HDAC9: variants seen among roughly 807,000 people sequenced by gnomAD.
The protein encoded by HDAC9 is histone deacetylase 9.
A neutral mutation model predicts 139.4 loss-of-function variants in HDAC9; 41 were observed. The ratio of observed to expected loss-of-function variants is 0.29; its 90% CI spans 0.23 to 0.38. The LOEUF is 0.38. Among genes scored for constraint, HDAC9 ranks in the 10% least tolerant of loss-of-function variants. The probability of loss-of-function intolerance (pLI) is 1.00; values close to 1 mark genes in which losing one functional copy is unlikely to be tolerated. For synonymous variants in HDAC9, 517 were observed against 476.2 expected (o/e 1.09, Z -1.12); for missense variants, 1,147 against 1,297.0 (o/e 0.88, Z 1.78).
At chr7:18,961,543 G>C (rs909718923) in intron 24 of HDAC9, among the ~76,000 whole-genome samples, 1 of 152,190 alleles carries the variant, frequency 6.6e-6, no homozygotes, top group Non-Finnish European at 1.5e-5. Flanking sequence ...GGAGAAGGCA[G>C]TATCCTCCGG....
rs117478710 is a variant in HDAC9 at position 18,645,464 on chromosome 7, A to G, written c.1035+671A>G. Among the ~76,000 whole-genome samples the G allele has an allele frequency of 3.3e-4, 51 of 152,276 alleles. No homozygotes were observed. The East Asian group carries it at 8.9e-3, about 27-fold the overall frequency. On this transcript the variant is annotated intron_variant, in intron 9 of 25. Transcript: ENST00000686413. ...GTATCATACTGTTACATGAAGGCCT[A>G]GAAGTGATTCCTTGTTCTGGACTCT... is the stretch of plus-strand genomic sequence containing the variant.
chr7:18,736,556 A>G (rs1289660492), intron 13 of HDAC9, among the ~76,000 whole-genome samples: 1 of 152,154 alleles, frequency 6.6e-6, no homozygotes, highest in East Asian at 1.9e-4. Flanking sequence ...GTGTATGTTG[A>G]ACCAGCCTTG....
intron 1 of HDAC9, among the ~76,000 whole-genome samples, chr7:18,422,507 G>T (rs926754076): frequency 6.6e-6 from 1 of 152,060 alleles, no homozygotes; most frequent in Admixed American, 6.6e-5. Flanking sequence ...CCCAGTTTCT[G>T]TCCATGGACT....
chr7:18,237,685 A>G (rs750382997), intron 2 of HDAC9, among the ~76,000 whole-genome samples: 5 of 152,230 alleles, frequency 3.3e-5, no homozygotes, highest in Non-Finnish European at 5.9e-5. Flanking sequence ...GAATGATGAC[A>G]TTATTAATGA....
At chr7:18,672,759 T>C (rs938522003) in intron 12 of HDAC9, among the ~76,000 whole-genome samples, 1 of 152,082 alleles carries the variant, frequency 6.6e-6, no homozygotes, top group African/African-American at 2.4e-5. Flanking sequence ...TTCTATGCAT[T>C]TAAATTATTT....
intron 21 of HDAC9, among the ~76,000 whole-genome samples, chr7:18,856,530 A>C (rs1453227951): frequency 1.3e-5 from 2 of 152,128 alleles, no homozygotes; most frequent in African/African-American, 4.8e-5. Flanking sequence ...TATTTTTCTT[A>C]CACTGAACTT....
intron 1 of HDAC9, among the ~76,000 whole-genome samples, chr7:18,361,701 GA>G (rs960718251): frequency 8.6e-5 from 13 of 151,864 alleles, no homozygotes; most frequent in South Asian, 8.3e-4. Flanking sequence ...TCTGTTTAAG[GA>G]AAAGACCTTA....
intron 1 of HDAC9, among the ~76,000 whole-genome samples, chr7:18,420,884 G>A (rs139038568): frequency 4.6e-5 from 7 of 152,332 alleles, no homozygotes; most frequent in Non-Finnish European, 7.3e-5. Context: ...AAGGACTAGC[G>A]TGTAAGCTGA....
intron 25 of HDAC9, among the ~76,000 whole-genome samples, chr7:18,978,908 G>T (rs1585463526): frequency 6.6e-6 from 1 of 151,970 alleles, no homozygotes; most frequent in Admixed American, 6.6e-5. Flanking sequence ...GAGCACATTT[G>T]CACTCTAGAA....
At chr7:18,790,910 A>G (rs1268617980) in intron 16 of HDAC9, among the ~76,000 whole-genome samples, 2 of 152,094 alleles carry the variant, frequency 1.3e-5, no homozygotes, top group East Asian at 3.9e-4. Context: ...TATAAAAGTA[A>G]CCCCCACCCG....
At chr7:18,934,835 C>T (rs1157852212) in intron 22 of HDAC9, among the ~76,000 whole-genome samples, 1 of 151,900 alleles carries the variant, frequency 6.6e-6, no homozygotes, top group African/African-American at 2.4e-5. Context: ...ACCAGAAGAC[C>T]CGTGTAAGAA....
intron 2 of HDAC9, among the ~76,000 whole-genome samples, chr7:18,555,422 A>T (rs184595101): frequency 5.3e-5 from 8 of 152,336 alleles, no homozygotes; most frequent in Admixed American, 2.6e-4. Flanking sequence ...CTAATGGATA[A>T]TTTTGGGACA....
intron 1 of HDAC9, among the ~76,000 whole-genome samples, chr7:18,383,704 G>T (rs561559218): frequency 1.3e-5 from 2 of 151,416 alleles, no homozygotes; most frequent in African/African-American, 4.8e-5. Flanking sequence ...AAGAACTGAT[G>T]ACCCCGTCTC....
At chr7:18,643,147 C>T (rs529355358) in intron 8 of HDAC9, among the ~76,000 whole-genome samples, 8 of 152,070 alleles carry the variant, frequency 5.3e-5, no homozygotes, top group South Asian at 2.1e-4. Context: ...TTACAATTTT[C>T]GTGAAAAGCT....
At chr7:18,095,346 G>A (rs892824155) in intron 1 of HDAC9, among the ~76,000 whole-genome samples, 6 of 150,338 alleles carry the variant, frequency 4.0e-5, no homozygotes, top group Admixed American at 3.3e-4. Context: ...TAATAAAAAG[G>A]CTACTGTATT....
At chr7:18,351,263 A>G (rs1202855821) in intron 1 of HDAC9, among the ~76,000 whole-genome samples, 1 of 152,160 alleles carries the variant, frequency 6.6e-6, no homozygotes, top group Non-Finnish European at 1.5e-5. Flanking sequence ...TCGTTGTAAG[A>G]TAGTTAACAT....
chr7:18,469,105 C>A (rs567198501), intron 1 of HDAC9, among the ~76,000 whole-genome samples: 2 of 152,254 alleles, frequency 1.3e-5, no homozygotes, highest in South Asian at 2.1e-4. Flanking sequence ...CAGATAGCCA[C>A]CAGGTTTTTA....
intron 12 of HDAC9, among the ~76,000 whole-genome samples, chr7:18,699,788 A>G (rs1783325325): frequency 6.6e-6 from 1 of 152,136 alleles, no homozygotes; most frequent in Non-Finnish European, 1.5e-5. Flanking sequence ...AATACTACTG[A>G]GGATTAAGAC....
chr7:18,687,785 T>C (rs2129095068), intron 12 of HDAC9, among the ~76,000 whole-genome samples: 1 of 151,956 alleles, frequency 6.6e-6, no homozygotes, highest in African/African-American at 2.4e-5. Flanking sequence ...CATGACTAGT[T>C]AGATGGACAT....
Sources: gnomAD v4.1 joint callset for allele counts (sites outside exome capture counted in the v4.1 genomes callset) on GRCh38, gnomAD v4.1.1 for gene constraint, MANE v1.5 for transcripts, NCBI Gene and HGNC (gene_info 2026-07-23, HGNC 2026-07-21) for gene names.